Variants in MROH9 observed in about 807,000 individuals in gnomAD.
The protein encoded by MROH9 is maestro heat-like repeat-containing protein family member 9.
MROH9 carries 92 observed loss-of-function variants against 98.2 expected under a neutral mutation model. The observed-to-expected ratio is 0.94, with a 90% CI of 0.79 to 1.11. The LOEUF (loss-of-function observed/expected upper bound fraction) is 1.11. MROH9 is among the 50% of genes most tolerant of loss of function. The pLI, the probability that MROH9 is intolerant of heterozygous loss-of-function variation, is 0.00. For missense variants in MROH9, 1,057 were observed against 1,014.8 expected, an observed-to-expected ratio of 1.04 and a Z score of -0.57; for synonymous variants, 397 against 368.9, an observed-to-expected ratio of 1.08 and a Z score of -0.87.
chr1:171,060,237 C>T (rs1653970836), intron 20 of MROH9, among the ~76,000 whole-genome samples: 1 of 152,096 alleles, frequency 6.6e-6, no homozygotes, highest in Non-Finnish European at 1.5e-5. Context: ...AGAAATGTTG[C>T]ACAAAATGAA....
intron 20 of MROH9, among the ~76,000 whole-genome samples, chr1:171,045,440 C>A (rs1653444667): frequency 6.6e-6 from 1 of 152,096 alleles, no homozygotes; most frequent in Non-Finnish European, 1.5e-5. Context: ...CAGCTACAGA[C>A]TTCTCTCTTA....
intron 20 of MROH9, among the ~76,000 whole-genome samples, chr1:171,027,282 C>A (rs938627085): frequency 6.6e-6 from 1 of 152,122 alleles, no homozygotes; most frequent in Non-Finnish European, 1.5e-5. Context: ...TCAACTCCCA[C>A]TTATGAGTGA....
At chr1:171,006,836 A>G (rs1651969839) in intron 15 of MROH9, among the ~76,000 whole-genome samples, 1 of 141,714 alleles carries the variant, frequency 7.1e-6, no homozygotes, top group African/African-American at 2.8e-5. Flanking sequence ...TTTTTTAATT[A>G]AGTGTCTCTT....
intron 6 of MROH9, among the ~76,000 whole-genome samples, chr1:170,962,592 A>C (rs1650057885): frequency 6.6e-6 from 1 of 152,186 alleles, no homozygotes; most frequent in Non-Finnish European, 1.5e-5. Context: ...AGATGGATTT[A>C]TCCTACCAGG....
chr1:170,970,930 T>C (rs1355523928), intron 7 of MROH9, among the ~76,000 whole-genome samples: 1 of 152,156 alleles, frequency 6.6e-6, no homozygotes, highest in Non-Finnish European at 1.5e-5. Context: ...AAGTACTCAC[T>C]TGTCTTGGAG....
chr1:171,064,370 T>A lies in MROH9; in HGVS notation c.*30T>A. The stretch of plus-strand genomic sequence containing the variant: ...GAATGATGATGACATTCATCATTCA[T>A]AAACAATGGGAAGTCCAACAATGTC... On this transcript the variant is annotated 3_prime_UTR_variant, in exon 22 of 22. Transcript: ENST00000367759. The A allele has an allele frequency of 6.7e-7, 1 of 1,500,524 alleles. No homozygotes were observed. Among genetic ancestry groups the A allele is most frequent in the Non-Finnish European group, 8.9e-7 (1 of 1,128,540 alleles). 93.0% of individuals were successfully genotyped at this position (1,500,524 alleles called of 1,614,324 possible). A position where few individuals can be genotyped will look rare whatever the true frequency, so the allele number is the denominator to read the frequency against.
At chr1:171,015,157 T>C (rs1652285362) in intron 16 of MROH9, 2 of 432,668 alleles carry the variant, frequency 4.6e-6, no homozygotes, top group Admixed American at 2.5e-5. Context: ...GCATAGTCTC[T>C]GAGAACTGAA....
Position 171,003,097 on chromosome 1 carries a change from G to GT in MROH9, c.1596+4829dup, listed in dbSNP as rs537110887. Among the ~76,000 whole-genome samples, 490 of 151,932 alleles carry GT rather than the reference G, an allele frequency of 3.2e-3. 4 individuals carry two copies. The highest frequency in any genetic ancestry group is 5.5e-3 in the Non-Finnish European group (371 of 67,940). ...TCCAAAATTTCCTGAACTTTTTATT[G>GT]TTTTTTCTTTAAGCTATCTATTTCC... On this transcript the variant is annotated intron_variant, in intron 15 of 21. Coordinates refer to ENST00000367759, the MANE Select transcript of MROH9 (RefSeq NM_001163629.2).
chr1:170,936,648 A>G (rs1307518554), intron 1 of MROH9, among the ~76,000 whole-genome samples: 1 of 152,250 alleles, frequency 6.6e-6, no homozygotes, highest in Non-Finnish European at 1.5e-5. Context: ...TGGCACCCAT[A>G]TACATATCCT....
chr1:171,055,924 C>T (rs114026316), intron 20 of MROH9, among the ~76,000 whole-genome samples: 229 of 152,240 alleles, frequency 1.5e-3, no homozygotes, highest in Admixed American at 2.4e-3. Flanking sequence ...GGAGCCCCTA[C>T]CCCCAGGCCA....
chr1:171,050,425 A>AT (rs1426349075), intron 20 of MROH9, among the ~76,000 whole-genome samples: 2 of 152,064 alleles, frequency 1.3e-5, no homozygotes, highest in African/African-American at 2.4e-5. Flanking sequence ...TAAGTATTTT[A>AT]TTTTTTTGTA....
At chr1:170,964,888 C>A (rs1650170900) in intron 6 of MROH9, among the ~76,000 whole-genome samples, 1 of 151,872 alleles carries the variant, frequency 6.6e-6, no homozygotes, top group Non-Finnish European at 1.5e-5. Context: ...TTCATGGTGC[C>A]TAACAAAGTG....
chr1:171,014,023 A>G (rs953747734), intron 15 of MROH9, 94 bp from the exon 16 acceptor site: 41 of 1,031,388 alleles, frequency 4.0e-5, no homozygotes, highest in East Asian at 2.6e-4. Context: ...TGAGATTTGC[A>G]TTCTAGTTTT....
intron 3 of MROH9, among the ~76,000 whole-genome samples, chr1:170,948,915 C>T (rs539374183): frequency 1.6e-4 from 25 of 152,176 alleles, no homozygotes; most frequent in South Asian, 1.0e-3. Context: ...TATGGTTCCC[C>T]AGGAAGCAGA....
At chr1:170,996,452 T>C in intron 13 of MROH9, 55 bp from the exon 14 acceptor site, 5 of 1,594,630 alleles carry the variant, frequency 3.1e-6, no homozygotes, top group Admixed American at 1.7e-5. Context: ...AATGTGTATT[T>C]AGTTTTTTGA....
chr1:171,055,161 T>G (rs954325973), intron 20 of MROH9, among the ~76,000 whole-genome samples: 5 of 152,274 alleles, frequency 3.3e-5, no homozygotes, highest in Non-Finnish European at 7.4e-5. Flanking sequence ...GTATATATAC[T>G]GTGAAATATT....
At chr1:171,050,596 C>G (rs1429779982) in intron 20 of MROH9, among the ~76,000 whole-genome samples, 1 of 117,778 alleles carries the variant, frequency 8.5e-6, no homozygotes, top group Non-Finnish European at 1.9e-5. Context: ...CTGCATGTAA[C>G]ATCATATCAT....
chr1:171,004,171 C>T (rs959169808), intron 15 of MROH9, among the ~76,000 whole-genome samples: 18 of 152,212 alleles, frequency 1.2e-4, no homozygotes, highest in African/African-American at 4.3e-4. Context: ...TTTCTCCTCC[C>T]AGCTGCAAAA....
At chr1:170,997,238 G>A (rs1000683811) in intron 14 of MROH9, among the ~76,000 whole-genome samples, 1 of 152,096 alleles carries the variant, frequency 6.6e-6, no homozygotes, top group African/African-American at 2.4e-5. Flanking sequence ...TACACTCTTT[G>A]TGGTCTATGG....
Sources: allele counts gnomAD v4.1 joint callset (sites outside exome capture counted in the v4.1 genomes callset), GRCh38; gene constraint gnomAD v4.1.1; transcripts MANE v1.5; gene names NCBI Gene and HGNC (gene_info 2026-07-23, HGNC 2026-07-21).